The following CNTRL variants were observed in gnomAD, a reference collection of about 807,000 sequenced individuals.
CNTRL encodes 110 kDa centrosomal protein.
Under a neutral mutation model 303.7 loss-of-function variants are expected in CNTRL, and 233 were observed. That is an observed-to-expected ratio of 0.77 (90% CI 0.69 to 0.86). The LOEUF (loss-of-function observed/expected upper bound fraction) is 0.86, where lower values mean the gene tolerates loss of function less well. CNTRL is among the 40% of genes least tolerant of loss of function. The probability of loss-of-function intolerance (pLI) is 0.00; values close to 1 mark genes in which losing one functional copy is unlikely to be tolerated. For missense variants in CNTRL, 2,524 were observed against 2,650.6 expected (o/e 0.95, Z 1.05); for synonymous variants, 900 against 922.2 (o/e 0.98, Z 0.44).
chr9:121,175,306 G>A (rs1458854767), intron 43 of CNTRL, 82 bp downstream of exon 43: 15 of 1,295,784 alleles, frequency 1.2e-5, no homozygotes, highest in African/African-American at 5.9e-5. Flanking sequence ...TTGCCCTACC[G>A]CCCAGGCTGG....
rs571054453 is a variant in CNTRL at position 121,177,078 on chromosome 9, C to G, written c.6955-85C>G. On this transcript the variant is annotated intron_variant, in intron 43 of 43. Transcript: ENST00000373855. ...AGAGGTACTCAAATATGTCATTTAC[C>G]TATAAGCCATCATGCCATCACTTAG... 1.8e-5 allele frequency: 19 copies of G among 1,067,532 alleles called. No homozygotes were observed. In the East Asian group the frequency reaches 1.9e-4, roughly 11 times the overall value. 66.1% of individuals were successfully genotyped at this position (1,067,532 alleles called of 1,614,324 possible).
At chr9:121,173,216 GAT>G (rs766087121) in intron 40 of CNTRL, 25 bp from the exon 41 acceptor site, 11 of 1,582,248 alleles carry the variant, frequency 7.0e-6, no homozygotes, top group Non-Finnish European at 6.9e-6. Flanking sequence ...TTTATACAAT[GAT>G]ATTTGACACC....
intron 10 of CNTRL, 148 bp from the exon 11 acceptor site, chr9:121,114,943 A>C: frequency 1.9e-6 from 1 of 531,372 alleles, no homozygotes; most frequent in South Asian, 3.0e-5. Context: ...GATCATAAGT[A>C]ATTACTTTAA....
chr9:121,157,883 A>G lies in CNTRL; in HGVS notation c.4637+3A>G. On this transcript the variant is annotated splice_donor_region_variant and intron_variant, in intron 29 of 43. Transcript: ENST00000373855. ...AAGAAGGAAAAACTGACAGAAGAGT[A>G]AGTAAGGCCTCTGTAGGGCTACAAG... is the stretch of plus-strand genomic sequence containing the variant. The G allele has an allele frequency of 6.2e-7, 1 of 1,613,950 alleles. No individual in the cohort carries two copies. The highest frequency in any genetic ancestry group is 8.5e-7 in the Non-Finnish European group (1 of 1,179,960).
rs369425989 is a variant in CNTRL at position 121,088,390 on chromosome 9, C to T, written c.64C>T (p.Pro22Ser). 4.3e-5 allele frequency: 69 copies of T among 1,613,528 alleles called. No individual in the cohort carries two copies. The highest frequency in any genetic ancestry group is 5.9e-5 in the Non-Finnish European group (69 of 1,179,448). Residue 22 changes from proline (P) to serine (S), a missense_variant, in exon 3 of 44, where the codon CCT becomes TCT. By Grantham distance (74) the Pro-to-Ser change is moderately conservative. Transcript: ENST00000373855. ...KAKIPSSSHS[P>S]IPSSMSNMRS... Reference sequence around the variant, plus strand: ...AAAGATACCATCATCATCTCACTCTCCTATCCCATCATCTATGTCCAATAT... The same window carrying T: ...AAAGATACCATCATCATCTCACTCTTCTATCCCATCATCTATGTCCAATAT...
intron 7 of CNTRL, among the ~76,000 whole-genome samples, chr9:121,102,706 G>A (rs896394117): frequency 6.6e-6 from 1 of 152,120 alleles, no homozygotes; most frequent in African/African-American, 2.4e-5. Flanking sequence ...AAACTCTCAG[G>A]ATACAAAATC....
At chr9:121,081,183 G>C (rs931543024) in intron 2 of CNTRL, among the ~76,000 whole-genome samples, 4 of 152,180 alleles carry the variant, frequency 2.6e-5, no homozygotes, top group Non-Finnish European at 4.4e-5. Flanking sequence ...AGAAAGCTGG[G>C]AGTTTGCAGG....
At chr9:121,163,925 C>T (rs927994502) in intron 34 of CNTRL, among the ~76,000 whole-genome samples, 5 of 146,556 alleles carry the variant, frequency 3.4e-5, no homozygotes, top group African/African-American at 1.0e-4. Context: ...AGTGCAGTGG[C>T]GCTATCTTGG....
chr9:121,159,083 A>G (rs2052728395), intron 31 of CNTRL, 64 bp downstream of exon 31: 2 of 1,418,044 alleles, frequency 1.4e-6, no homozygotes, highest in Non-Finnish European at 1.9e-6. Flanking sequence ...ACTTTGATGT[A>G]TTTTCATTGC....
intron 24 of CNTRL, among the ~76,000 whole-genome samples, chr9:121,149,657 T>G (rs530183275): frequency 6.6e-6 from 1 of 152,320 alleles, no homozygotes; most frequent in African/African-American, 2.4e-5. Context: ...TCTGCCTGCC[T>G]CGGCCTCCCA....
rs2053387561 is a variant in CNTRL, at chr9:121,173,366, G to C, written c.6541G>C (p.Glu2181Gln). The change falls in exon 41 of 44, where the codon GAA (glutamate) becomes CAA (glutamine). Residue 2181 changes from glutamate (E) to glutamine (Q), a missense_variant. Coordinates refer to ENST00000373855, the MANE Select transcript of CNTRL (RefSeq NM_007018.6). ...GAAGAATCTTAATCAGTTTCTTCCA[G>C]AACTACCAGCAGATCTAGAAGCTAT... ...SLKNLNQFLP[E>Q]LPADLEAILE... The C allele has an allele frequency of 6.2e-7, 1 of 1,613,992 alleles. No individual in the cohort carries two copies. Among genetic ancestry groups the C allele is most frequent in the African/African-American group, 1.3e-5 (1 of 74,906 alleles).
chr9:121,173,303 C>CT lies in CNTRL; in HGVS notation c.6480dup (p.Lys2161Ter). 1 of 1,614,034 alleles carries CT rather than the reference C, an allele frequency of 6.2e-7. No homozygotes were observed. The highest frequency in any genetic ancestry group is 8.5e-7 in the Non-Finnish European group (1 of 1,179,994). The stretch of plus-strand genomic sequence containing the variant: ...GGAAATCAGTGATGCAATGAGGACA[C>CT]TTAAATCTGAGGTGAAGGATGAAAT... On this transcript the variant is annotated frameshift_variant, in exon 41 of 44. Transcript: ENST00000373855. LOFTEE classifies it high-confidence loss of function.
Position 121,150,177 on chromosome 9 carries a change from C to T in CNTRL, c.3657C>T (p.Asp1219=). 4 of 1,607,974 alleles carry T rather than the reference C, an allele frequency of 2.5e-6. No individual in the cohort carries two copies. Among genetic ancestry groups the T allele is most frequent in the Non-Finnish European group, 3.4e-6 (4 of 1,176,252 alleles). Reference sequence around the variant, plus strand: ...CTGTTTATTTCTTTGAAGATGCAGACAGTGGAGGAGATAGTCAGGAAGAGA... The same window carrying T: ...CTGTTTATTTCTTTGAAGATGCAGATAGTGGAGGAGATAGTCAGGAAGAGA... ...LHKLFPSRDA[D]SGGDSQEESE... is the part of the protein sequence containing the mutation. Residue 1219 remains aspartate (D), a synonymous_variant, in exon 25 of 44, where the codon GAC becomes GAT. Coordinates refer to ENST00000373855, the MANE Select transcript of CNTRL (RefSeq NM_007018.6).
intron 2 of CNTRL, among the ~76,000 whole-genome samples, chr9:121,084,201 A>G (rs970560926): frequency 6.6e-6 from 1 of 152,174 alleles, no homozygotes. Flanking sequence ...TATACATCTT[A>G]TAATATTTTT....
intron 19 of CNTRL, among the ~76,000 whole-genome samples, chr9:121,143,533 T>C (rs1479613896): frequency 6.6e-6 from 1 of 152,202 alleles, no homozygotes; most frequent in Non-Finnish European, 1.5e-5. Context: ...GATCTCTCCA[T>C]TTCTCACTGT....
intron 2 of CNTRL, among the ~76,000 whole-genome samples, chr9:121,084,006 A>G (rs1171437417): frequency 6.6e-6 from 1 of 152,220 alleles, no homozygotes; most frequent in East Asian, 1.9e-4. Flanking sequence ...ATCAATTTAT[A>G]TAGCATTAAG....
chr9:121,118,091 C>G (rs1169456486), intron 11 of CNTRL, among the ~76,000 whole-genome samples: 1 of 151,710 alleles, frequency 6.6e-6, no homozygotes, highest in African/African-American at 2.4e-5. Context: ...TTACAAGTTG[C>G]CTATACTATT....
At chr9:121,116,931 C>G (rs962215915) in intron 11 of CNTRL, among the ~76,000 whole-genome samples, 1 of 152,104 alleles carries the variant, frequency 6.6e-6, no homozygotes, top group Non-Finnish European at 1.5e-5. Flanking sequence ...GACGGTTTTA[C>G]TAATTTAAAA....
intron 27 of CNTRL, 175 bp downstream of exon 27, chr9:121,155,088 A>G (rs1316284472): frequency 3.0e-5 from 18 of 607,794 alleles, no homozygotes; most frequent in African/African-American, 2.6e-4. Flanking sequence ...TGCAAGTCAT[A>G]TAAGTCCCCT....
Sources: allele counts gnomAD v4.1 joint callset (sites outside exome capture counted in the v4.1 genomes callset), GRCh38; gene constraint gnomAD v4.1.1; transcripts MANE v1.5; gene names NCBI Gene and HGNC (gene_info 2026-07-23, HGNC 2026-07-21).